The following ACTR3C variants were observed in gnomAD, a reference collection of about 807,000 sequenced individuals.
ACTR3C encodes actin related protein 3C.
ACTR3C carries 18 observed loss-of-function variants against 26.3 expected under a neutral mutation model. The observed-to-expected ratio is 0.68, with a 90% CI of 0.47 to 1.01. ACTR3C has a LOEUF of 1.01. Ranked by LOEUF, ACTR3C falls within the 50% of genes least tolerant of loss-of-function variation. ACTR3C has a pLI of 0.00. For synonymous variants in ACTR3C, 55 were observed against 94.5 expected (o/e 0.58, Z 2.42); for missense variants, 184 against 250.7 (o/e 0.73, Z 1.80).
At chr7:150,139,106 C>T in the ACTR3C span, among the ~76,000 whole-genome samples, 2 of 152,274 alleles carry the variant, frequency 1.3e-5, no homozygotes, top group African/African-American at 4.8e-5. Context: ...ATGCAATGTG[C>T]TTGAATCATC....
the ACTR3C span, among the ~76,000 whole-genome samples, chr7:150,149,079 G>GTATATATA: frequency 6.8e-4 from 63 of 93,128 alleles, no homozygotes; most frequent in East Asian, 1.2e-3. Flanking sequence ...TAAAGTTTGA[G>GTATATATA]TATATATATA....
At chr7:150,049,390 A>G in the ACTR3C span, among the ~76,000 whole-genome samples, 1 of 151,988 alleles carries the variant, frequency 6.6e-6, no homozygotes, top group Admixed American at 6.5e-5. Flanking sequence ...GGGAAACCCC[A>G]ACTCCAGAGG....
chr7:150,054,376 A>T, the ACTR3C span, among the ~76,000 whole-genome samples: 2,723 of 152,332 alleles, frequency 0.018, 75 homozygotes, highest in African/African-American at 0.061. Flanking sequence ...CATGTGACTT[A>T]CTTGGACTAA....
chr7:150,151,776 G>A, the ACTR3C span, among the ~76,000 whole-genome samples: 1 of 134,410 alleles, frequency 7.4e-6, no homozygotes, highest in Non-Finnish European at 1.6e-5. Context: ...TATACCTAAT[G>A]CTAAATGACG....
At chr7:150,077,850 A>G in the ACTR3C span, among the ~76,000 whole-genome samples, 1 of 152,228 alleles carries the variant, frequency 6.6e-6, no homozygotes, top group Admixed American at 6.5e-5. Context: ...AATTGCCAGG[A>G]AAGATTTCTT....
chr7:150,178,096 C>T, the ACTR3C span, among the ~76,000 whole-genome samples: 1 of 150,256 alleles, frequency 6.7e-6, no homozygotes, highest in African/African-American at 2.5e-5. Context: ...GCCTTATCAC[C>T]ACTTGAAATT....
At chr7:149,887,292 C>T in the ACTR3C span, among the ~76,000 whole-genome samples, 1 of 152,152 alleles carries the variant, frequency 6.6e-6, no homozygotes, top group Non-Finnish European at 1.5e-5. Context: ...CAGAAGAAGA[C>T]ATGTAAAAGA....
At chr7:149,918,417 G>A in the ACTR3C span, among the ~76,000 whole-genome samples, 4,857 of 152,248 alleles carry the variant, frequency 0.032, 270 homozygotes, top group African/African-American at 0.11. Context: ...TAGGCCAGGC[G>A]CAGTGGCTCA....
the ACTR3C span, among the ~76,000 whole-genome samples, chr7:149,963,489 T>A: frequency 3.9e-5 from 6 of 152,154 alleles, no homozygotes; most frequent in Non-Finnish European, 8.8e-5. Context: ...ATTTATCCCC[T>A]CTCTCCAGCT....
At chr7:150,315,786 C>T (rs994276847) in intron 1 of ACTR3C, among the ~76,000 whole-genome samples, 2 of 151,954 alleles carry the variant, frequency 1.3e-5, no homozygotes, top group African/African-American at 4.8e-5. Context: ...GTGTATTCTC[C>T]CCTTTTTAAT....
At chr7:150,038,759 C>A in the ACTR3C span, among the ~76,000 whole-genome samples, 1 of 143,478 alleles carries the variant, frequency 7.0e-6, no homozygotes, top group African/African-American at 2.7e-5. Flanking sequence ...GGTCCTAAGC[C>A]AGGAGGGGAA....
chr7:149,901,910 CAAAAAAAAAAAAA>C, the ACTR3C span, among the ~76,000 whole-genome samples: 14 of 56,762 alleles, frequency 2.5e-4, no homozygotes, highest in African/African-American at 9.7e-4. Flanking sequence ...GACTCTGTCT[CAAAAAAAAAAAAA>C]AAAAAAAAAA....
the ACTR3C span, among the ~76,000 whole-genome samples, chr7:149,973,747 C>G: frequency 5.9e-5 from 9 of 151,928 alleles, no homozygotes; most frequent in Non-Finnish European, 1.3e-4. Flanking sequence ...TATAAATAAC[C>G]CCAACGTGTC....
chr7:150,280,384 G>A (rs73728113), intron 6 of ACTR3C, among the ~76,000 whole-genome samples: 3,163 of 152,234 alleles, frequency 0.021, 94 homozygotes, highest in African/African-American at 0.072. Context: ...CACATCAGAC[G>A]GAAATAAAAA....
chr7:150,309,203 G>A lies in ACTR3C; in HGVS notation c.-51-13856C>T, dbSNP rs559165338. 1.1e-4 allele frequency among the ~76,000 whole-genome samples: 17 copies of A among 152,236 alleles called. No individual in the cohort carries two copies. In the South Asian group the frequency reaches 3.3e-3, roughly 30 times the overall value. ...CCTAGTTGAAGGGCTAAAAAAGGCA[G>A]CATACAAAGCTGTTAGTTATGACAA... On this transcript the variant is annotated intron_variant, in intron 1 of 7. Transcript: ENST00000683684.
At chr7:149,904,006 C>G in the ACTR3C span, among the ~76,000 whole-genome samples, 2,507 of 76,212 alleles carry the variant, frequency 0.033, 119 homozygotes, top group Middle Eastern at 0.14. Context: ...CTGCAACCTC[C>G]ACTCCCAGGC....
intron 6 of ACTR3C, among the ~76,000 whole-genome samples, chr7:150,253,917 T>C (rs192259885): frequency 1.8e-4 from 27 of 150,492 alleles, no homozygotes; most frequent in African/African-American, 6.3e-4. Flanking sequence ...CGTGTTTTTT[T>C]TTTTCCCCCA....
the ACTR3C span, among the ~76,000 whole-genome samples, chr7:150,023,941 G>A: frequency 3.7e-5 from 5 of 135,246 alleles, no homozygotes; most frequent in South Asian, 1.3e-3. Flanking sequence ...GGAGATGACA[G>A]GAGGAAGCGC....
At chr7:150,299,006 A>T in intron 1 of ACTR3C, among the ~76,000 whole-genome samples, 1 of 119,690 alleles carries the variant, frequency 8.4e-6, no homozygotes, top group Non-Finnish European at 1.6e-5. Flanking sequence ...TTTGAGACAG[A>T]GTCTCACTCT....
Sources: allele counts gnomAD v4.1 joint callset (sites outside exome capture counted in the v4.1 genomes callset), GRCh38; gene constraint gnomAD v4.1.1; transcripts MANE v1.5; gene names NCBI Gene and HGNC (gene_info 2026-07-23, HGNC 2026-07-21).